Variants in CBFA2T3 observed in about 807,000 individuals in gnomAD.
CBFA2T3 encodes the protein transcriptional corepressor CBFA2T3.
In CBFA2T3, 31 loss-of-function variants were observed where a neutral mutation model predicts 58.6. The observed-to-expected ratio is 0.53, with a 90% confidence interval of 0.40 to 0.71. CBFA2T3 has a LOEUF of 0.71. CBFA2T3 is among the 30% of genes least tolerant of loss of function. CBFA2T3 has a pLI of 0.00. For synonymous variants in CBFA2T3, 531 were observed against 421.9 expected, an observed-to-expected ratio of 1.26 and a Z score of -3.17; for missense variants, 1,076 against 963.1, an observed-to-expected ratio of 1.12 and a Z score of -1.55.
intron 8 of CBFA2T3, among the ~76,000 whole-genome samples, chr16:88,881,938 G>A (rs1387912526): frequency 3.9e-5 from 6 of 152,366 alleles, no homozygotes; most frequent in South Asian, 4.1e-4. Context: ...GTTCCGGGCC[G>A]TCCCCGAACA....
chr16:88,923,323 A>G (rs1185052815), intron 1 of CBFA2T3, among the ~76,000 whole-genome samples: 1 of 152,084 alleles, frequency 6.6e-6, no homozygotes. Context: ...GCTTCTGCCC[A>G]CTGCCCCCTG....
chr16:88,886,173 C>T, intron 5 of CBFA2T3, 31 bp from the exon 6 acceptor site: 2 of 1,482,552 alleles, frequency 1.3e-6, no homozygotes, highest in South Asian at 1.3e-5. Context: ...GCCTGGGTAG[C>T]ATGCAGGGGT....
rs1310170663 is a variant in CBFA2T3, at chr16:88,925,760, T to C, written c.152-24104A>G. ...GCCCCTGCGTGTGTGGAGATGGCAA[T>C]GTGCTTTCCCGGGGGCTCAGAGCTG... On this transcript the variant is annotated intron_variant, in intron 1 of 11. Coordinates refer to ENST00000268679, the MANE Select transcript of CBFA2T3 (RefSeq NM_005187.6). 5.3e-5 allele frequency among the ~76,000 whole-genome samples: 8 copies of C among 152,278 alleles called. No individual in the cohort carries two copies. In the South Asian group the frequency reaches 1.2e-3, roughly 24 times the overall value.
intron 1 of CBFA2T3, among the ~76,000 whole-genome samples, chr16:88,963,600 G>A (rs563550322): frequency 7.2e-5 from 11 of 152,204 alleles, no homozygotes; most frequent in South Asian, 2.1e-4. Context: ...ATTTGTTATC[G>A]TGGACATTCC....
At chr16:88,899,763 G>T (rs1970028527) in intron 2 of CBFA2T3, among the ~76,000 whole-genome samples, 1 of 152,238 alleles carries the variant, frequency 6.6e-6, no homozygotes, top group Non-Finnish European at 1.5e-5. Context: ...TGGGGCCTGA[G>T]GTTGTCTGTG....
chr16:88,906,183 C>G (rs117482119), intron 1 of CBFA2T3, among the ~76,000 whole-genome samples: 3,616 of 152,284 alleles, frequency 0.024, 64 homozygotes, highest in Non-Finnish European at 0.031. Flanking sequence ...ACAGCTCCAC[C>G]AAGGCCAACT....
chr16:88,916,795 A>G lies in CBFA2T3; in HGVS notation c.152-15139T>C, dbSNP rs1970751583. 2.0e-5 allele frequency among the ~76,000 whole-genome samples: 3 copies of G among 152,284 alleles called. No individual in the cohort carries two copies. The South Asian group carries it at 6.2e-4, about 32-fold the overall frequency. On this transcript the variant is annotated intron_variant, in intron 1 of 11. Coordinates refer to ENST00000268679, the MANE Select transcript of CBFA2T3 (RefSeq NM_005187.6). Reference sequence around the variant, plus strand: ...TCCTTGCTACAGCCCCTGGGGGTGAAGGCGAGACTGCTAGGTGGAGTGGCC... The same window carrying G: ...TCCTTGCTACAGCCCCTGGGGGTGAGGGCGAGACTGCTAGGTGGAGTGGCC...
Position 88,876,368 on chromosome 16 carries a change from C to T in CBFA2T3, c.*608G>A, listed in dbSNP as rs1377111299. 2 of 229,604 alleles carry T rather than the reference C, an allele frequency of 8.7e-6. No homozygotes were observed. Among genetic ancestry groups the T allele is most frequent in the Non-Finnish European group, 1.7e-5 (2 of 115,842 alleles). The allele number at this position is 229,604 out of a possible 1,614,324, so 14.2% of individuals were successfully genotyped here. ...TCCTCCCGTCTTCGCTGATCAGCCTCACGCCCCTGGGGGAGGGGCACAGCT... is the reference window on the plus strand; with the variant it reads ...TCCTCCCGTCTTCGCTGATCAGCCTTACGCCCCTGGGGGAGGGGCACAGCT... On this transcript the variant is annotated 3_prime_UTR_variant, in exon 12 of 12. Coordinates refer to ENST00000268679, the MANE Select transcript of CBFA2T3 (RefSeq NM_005187.6).
intron 1 of CBFA2T3, among the ~76,000 whole-genome samples, chr16:88,934,722 C>T (rs1249973905): frequency 6.6e-6 from 1 of 152,232 alleles, no homozygotes; most frequent in Non-Finnish European, 1.5e-5. Context: ...CCTCTTCCAC[C>T]CCCGAAGTTC....
In CBFA2T3 at chr16:88,874,974, C is replaced by T; in HGVS notation, c.*2002G>A. 2 of 233,672 alleles carry T rather than the reference C, an allele frequency of 8.6e-6. No individual in the cohort carries two copies. The highest frequency in any genetic ancestry group is 1.7e-5 in the Non-Finnish European group (2 of 118,006). The allele number at this position is 233,672 out of a possible 1,614,324, so 14.5% of individuals were successfully genotyped here. ...AACGTACACGCTCAGCTTCAGGCCT[C>T]TGGCGGGCTGTTCGTGGCTGGTTCA... On this transcript the variant is annotated 3_prime_UTR_variant, in exon 12 of 12. Coordinates refer to ENST00000268679, the MANE Select transcript of CBFA2T3 (RefSeq NM_005187.6).
At chr16:88,944,308 G>T (rs1284822784) in intron 1 of CBFA2T3, among the ~76,000 whole-genome samples, 4 of 141,136 alleles carry the variant, frequency 2.8e-5, no homozygotes, top group Admixed American at 7.5e-5. Context: ...CTGCACTCCA[G>T]CCTGGGTGAC....
rs555656340 is a variant in CBFA2T3 at position 88,943,698 on chromosome 16, G to A, written c.151+32959C>T. On this transcript the variant is annotated intron_variant, in intron 1 of 11. Coordinates refer to ENST00000268679, the MANE Select transcript of CBFA2T3 (RefSeq NM_005187.6). ...CGTGCTGTGCGGATGCTCCCGGAACGCCCATTTTACAGGTGGAGAGGCTGA... is the reference window on the plus strand; with the variant it reads ...CGTGCTGTGCGGATGCTCCCGGAACACCCATTTTACAGGTGGAGAGGCTGA... Among the ~76,000 whole-genome samples, 450 of 152,258 alleles carry A rather than the reference G, an allele frequency of 3.0e-3. 1 individual carries two copies. Among genetic ancestry groups the A allele is most frequent in the African/African-American group, 0.01 (419 of 41,546 alleles).
intron 1 of CBFA2T3, among the ~76,000 whole-genome samples, chr16:88,903,820 G>A (rs1270517562): frequency 6.6e-6 from 1 of 152,188 alleles, no homozygotes; most frequent in Non-Finnish European, 1.5e-5. Flanking sequence ...GCTGGCTCGG[G>A]GGACACAGGT....
intron 1 of CBFA2T3, among the ~76,000 whole-genome samples, chr16:88,924,546 C>T (rs1392422896): frequency 6.6e-6 from 1 of 152,082 alleles, no homozygotes; most frequent in Admixed American, 6.5e-5. Flanking sequence ...CTGCGGGGGC[C>T]ACCAGGGCAG....
In CBFA2T3 at chr16:88,877,018, G is replaced by C. The variant is rs1222508165; in HGVS notation, c.1920C>G (p.Gly640=). The change falls in exon 12 of 12, where the codon GGC becomes GGG. Residue 640 remains glycine (G), a synonymous_variant. Transcript: ENST00000268679. The stretch of plus-strand genomic sequence containing the variant: ...CCAGTGGGCCAGGTGGGCTGGGGGA[G>C]CCGGGGCGAGAAGGCCCCGCAGAGC... ...EAGSAGPSRP[G]SPSPPGPLDT... 2 of 1,480,322 alleles carry C rather than the reference G, an allele frequency of 1.4e-6. No individual in the cohort carries two copies. Among genetic ancestry groups the C allele is most frequent in the Admixed American group, 4.8e-5 (2 of 41,836 alleles). The allele number at this position is 1,480,322 out of a possible 1,614,324, so 91.7% of individuals were successfully genotyped here.
intron 1 of CBFA2T3, chr16:88,941,128 C>G: frequency 1.0e-6 from 1 of 983,626 alleles, no homozygotes; most frequent in African/African-American, 1.8e-5. Context: ...GACTCAGGGG[C>G]GGCTGCGCGC....
chr16:88,972,685 G>T (rs1374236713), intron 1 of CBFA2T3, among the ~76,000 whole-genome samples: 1 of 152,222 alleles, frequency 6.6e-6, no homozygotes, highest in Non-Finnish European at 1.5e-5. Flanking sequence ...CACAGGGTCA[G>T]CAGAGCCTGC....
chr16:88,944,838 C>T (rs1227573958), intron 1 of CBFA2T3, among the ~76,000 whole-genome samples: 1 of 152,198 alleles, frequency 6.6e-6, no homozygotes, highest in African/African-American at 2.4e-5. Flanking sequence ...ATGTGCCCTC[C>T]GTGACCCTAG....
At chr16:88,971,102 A>T (rs1292413669) in intron 1 of CBFA2T3, among the ~76,000 whole-genome samples, 2 of 151,770 alleles carry the variant, frequency 1.3e-5, no homozygotes, top group South Asian at 4.2e-4. Flanking sequence ...ACGTGTTTTC[A>T]TCAACTCAAT....
Sources: allele counts gnomAD v4.1 joint callset (sites outside exome capture counted in the v4.1 genomes callset), GRCh38; gene constraint gnomAD v4.1.1; transcripts MANE v1.5; gene names NCBI Gene and HGNC (gene_info 2026-07-23, HGNC 2026-07-21).